Variants in CLSTN2 observed in about 807,000 individuals in gnomAD.
CLSTN2 encodes the protein calsyntenin-2.
CLSTN2 carries 48 observed loss-of-function variants against 101.2 expected under a neutral mutation model. That is an observed-to-expected ratio of 0.47 (90% CI 0.38 to 0.60). CLSTN2 has a LOEUF of 0.60. CLSTN2 is among the 20% of genes least tolerant of loss of function. The pLI is 0.00. For synonymous variants in CLSTN2, 481 were observed against 463.6 expected, an observed-to-expected ratio of 1.04 and a Z score of -0.48; for missense variants, 1,160 against 1,238.2, an observed-to-expected ratio of 0.94 and a Z score of 0.95.
At chr3:140,060,761 G>C (rs1323882567) in intron 1 of CLSTN2, among the ~76,000 whole-genome samples, 1 of 152,210 alleles carries the variant, frequency 6.6e-6, no homozygotes, top group South Asian at 2.1e-4. Context: ...TAACCACAGT[G>C]GTGGGCAACA....
intron 1 of CLSTN2, among the ~76,000 whole-genome samples, chr3:140,130,227 C>T (rs922397035): frequency 6.6e-6 from 1 of 152,192 alleles, no homozygotes; most frequent in Non-Finnish European, 1.5e-5. Context: ...GTTCCATGAC[C>T]TCTGTGAGTT....
chr3:140,015,493 G>T (rs1343422001), intron 1 of CLSTN2, among the ~76,000 whole-genome samples: 1 of 152,212 alleles, frequency 6.6e-6, no homozygotes, highest in African/African-American at 2.4e-5. Context: ...GGTGTACACT[G>T]GAGGTTGGTC....
rs16846209 is a variant in CLSTN2, at chr3:140,569,207, A to G, written c.*2954A>G. On this transcript the variant is annotated 3_prime_UTR_variant, in exon 17 of 17. Coordinates refer to ENST00000458420, the MANE Select transcript of CLSTN2 (RefSeq NM_022131.3). ...TGATCCCAAGAAAAAGGTGTCATTA[A>G]TCAGTCTGGCATTTTCCACCCTCCA... is the stretch of plus-strand genomic sequence containing the variant. 11,658 of 152,340 alleles carry G rather than the reference A, an allele frequency of 0.077. 450 individuals are homozygous for G. The highest frequency in any genetic ancestry group is 0.086 in the Non-Finnish European group (5,843 of 68,096). 9.4% of individuals were successfully genotyped at this position (152,340 alleles called of 1,614,324 possible).
At position 140,337,362 on chromosome 3, in the gene CLSTN2, T is replaced by A. The variant is rs375559370; in HGVS notation, c.233-66267T>A. 5.9e-5 allele frequency among the ~76,000 whole-genome samples: 9 copies of A among 152,336 alleles called. No homozygotes were observed. In the South Asian group the frequency reaches 1.7e-3, roughly 28 times the overall value. On this transcript the variant is annotated intron_variant, in intron 2 of 16. Coordinates refer to ENST00000458420, the MANE Select transcript of CLSTN2 (RefSeq NM_022131.3). The stretch of plus-strand genomic sequence containing the variant: ...CCCCAGACATTCCTTGGCTTGTCAA[T>A]GGTATTCTCCCTGTGTCTTTATATT...
intron 2 of CLSTN2, among the ~76,000 whole-genome samples, chr3:140,254,740 A>G (rs1379032556): frequency 6.6e-6 from 1 of 152,200 alleles, no homozygotes; most frequent in Non-Finnish European, 1.5e-5. Flanking sequence ...AAGAAAACCT[A>G]GGAAATACCA....
chr3:140,335,329 G>C (rs1169006742), intron 2 of CLSTN2, among the ~76,000 whole-genome samples: 2 of 152,132 alleles, frequency 1.3e-5, no homozygotes, highest in Admixed American at 6.5e-5. Flanking sequence ...GGTGGTAGTA[G>C]TTAAAGAAAT....
intron 3 of CLSTN2, 118 bp downstream of exon 3, chr3:140,403,942 G>T: frequency 1.2e-6 from 1 of 845,116 alleles, no homozygotes; most frequent in South Asian, 1.8e-5. Flanking sequence ...CTCCAACTTT[G>T]CTCAACTGCT....
At chr3:140,105,474 C>G (rs567681961) in intron 1 of CLSTN2, among the ~76,000 whole-genome samples, 1 of 152,342 alleles carries the variant, frequency 6.6e-6, no homozygotes, top group African/African-American at 2.4e-5. Flanking sequence ...CTCTCCCAAG[C>G]TTCTCAGTAT....
At chr3:140,390,689 A>G (rs141268527) in intron 2 of CLSTN2, among the ~76,000 whole-genome samples, 158 of 152,220 alleles carry the variant, frequency 1.0e-3, no homozygotes, top group African/African-American at 3.6e-3. Flanking sequence ...TGGAGTGTCT[A>G]TTTCTCCCTT....
intron 2 of CLSTN2, among the ~76,000 whole-genome samples, chr3:140,228,629 A>G (rs1268171382): frequency 2.0e-5 from 3 of 152,240 alleles, no homozygotes; most frequent in Non-Finnish European, 1.5e-5. Flanking sequence ...TGATAAAGAT[A>G]TACCAGAGAC....
At chr3:140,098,615 G>T (rs1386262674) in intron 1 of CLSTN2, among the ~76,000 whole-genome samples, 4 of 152,130 alleles carry the variant, frequency 2.6e-5, no homozygotes. Flanking sequence ...TTTTTGGCTG[G>T]AGATTTTATT....
intron 2 of CLSTN2, among the ~76,000 whole-genome samples, chr3:140,321,878 G>A (rs1410959744): frequency 3.9e-5 from 6 of 152,182 alleles, no homozygotes; most frequent in Admixed American, 6.5e-5. Flanking sequence ...CCTTGAGAAC[G>A]CAGGCTCGTA....
intron 2 of CLSTN2, among the ~76,000 whole-genome samples, chr3:140,350,756 C>G (rs1159779481): frequency 6.6e-6 from 1 of 152,148 alleles, no homozygotes. Context: ...GATTTTCTGC[C>G]TTTGACCCCA....
At chr3:140,174,959 A>G (rs2010297841) in intron 1 of CLSTN2, among the ~76,000 whole-genome samples, 1 of 152,216 alleles carries the variant, frequency 6.6e-6, no homozygotes, top group Non-Finnish European at 1.5e-5. Context: ...GCTCTAGGAA[A>G]GGCTCCGTTC....
At chr3:140,137,757 C>T (rs1473923479) in intron 1 of CLSTN2, among the ~76,000 whole-genome samples, 15 of 152,158 alleles carry the variant, frequency 9.9e-5, no homozygotes, top group Admixed American at 9.8e-4. Context: ...TCGCCCAGCC[C>T]CATGAGGCAG....
intron 1 of CLSTN2, among the ~76,000 whole-genome samples, chr3:139,937,529 G>C (rs1217785258): frequency 6.6e-6 from 1 of 151,152 alleles, no homozygotes; most frequent in Non-Finnish European, 1.5e-5. Flanking sequence ...CTGAGGTTAG[G>C]GGTTCGAGAC....
intron 2 of CLSTN2, among the ~76,000 whole-genome samples, chr3:140,378,903 T>C (rs2087948945): frequency 6.6e-6 from 1 of 152,218 alleles, no homozygotes; most frequent in Non-Finnish European, 1.5e-5. Context: ...TGCTCAGTTA[T>C]ATATGGTTTT....
At chr3:139,973,384 A>G (rs1395521437) in intron 1 of CLSTN2, among the ~76,000 whole-genome samples, 1 of 152,232 alleles carries the variant, frequency 6.6e-6, no homozygotes, top group African/African-American at 2.4e-5. Context: ...AGAACATAGA[A>G]ACCCAGCTAA....
chr3:140,190,085 C>T (rs2010538306), intron 2 of CLSTN2, among the ~76,000 whole-genome samples: 1 of 152,088 alleles, frequency 6.6e-6, no homozygotes. Flanking sequence ...TTATAAGGGA[C>T]CTAATTTTAC....
Sources: gnomAD v4.1 joint callset for allele counts (sites outside exome capture counted in the v4.1 genomes callset) on GRCh38, gnomAD v4.1.1 for gene constraint, MANE v1.5 for transcripts, NCBI Gene and HGNC (gene_info 2026-07-23, HGNC 2026-07-21) for gene names.